Variants in KCNQ5 observed in about 807,000 individuals in gnomAD.
KCNQ5 encodes the protein potassium voltage-gated channel subfamily KQT member 5.
In KCNQ5, 30 loss-of-function variants were observed where a neutral mutation model predicts 98.2. The observed-to-expected ratio is 0.31, with a 90% CI of 0.23 to 0.41. The LOEUF (loss-of-function observed/expected upper bound fraction) is 0.41, where lower values mean the gene tolerates loss of function less well. KCNQ5 is among the 10% of genes least tolerant of loss of function. The pLI is 1.00. For missense variants in KCNQ5, 835 were observed against 1,182.5 expected (o/e 0.71, Z 4.31); for synonymous variants, 458 against 449.4 (o/e 1.02, Z -0.24).
rs545254868 is a variant in KCNQ5, at chr6:73,197,580, T to TACACACACACACACACAC, written c.*2211_*2228dup. 1 of 105,428 alleles carries TACACACACACACACACAC rather than the reference T, an allele frequency of 9.5e-6. No homozygotes were observed. The highest frequency in any genetic ancestry group is 2.0e-5 in the Non-Finnish European group (1 of 50,632). The allele number at this position is 105,428 out of a possible 1,614,324, so 6.5% of individuals were successfully genotyped here. ...GATTCCCCCTTGCAAGAATGTTGCATACACACACACACACACACACACACA... is the reference window on the plus strand; with the variant it reads ...GATTCCCCCTTGCAAGAATGTTGCATACACACACACACACACACACACACACACACACACACACACACA... On this transcript the variant is annotated 3_prime_UTR_variant, in exon 14 of 14. Transcript: ENST00000370398.
intron 1 of KCNQ5, among the ~76,000 whole-genome samples, chr6:72,951,444 ATT>A (rs112394660): frequency 8.1e-5 from 11 of 135,182 alleles, no homozygotes; most frequent in Non-Finnish European, 1.3e-4. Flanking sequence ...CACCCAGCAA[ATT>A]TTTTTTTTTT....
chr6:72,701,999 T>A (rs956216918), intron 1 of KCNQ5, among the ~76,000 whole-genome samples: 24 of 147,740 alleles, frequency 1.6e-4, no homozygotes, highest in African/African-American at 2.9e-4. Flanking sequence ...CAGCTAATAT[T>A]TTTTTTAATT....
At chr6:72,987,468 C>G (rs1436831088) in intron 1 of KCNQ5, 2 of 672,158 alleles carry the variant, frequency 3.0e-6, no homozygotes, top group Non-Finnish European at 5.7e-6. Context: ...GGAACAGAAA[C>G]TGAAGTTTCT....
intron 11 of KCNQ5, among the ~76,000 whole-genome samples, chr6:73,173,771 G>A (rs1328804342): frequency 6.7e-6 from 1 of 150,096 alleles, no homozygotes; most frequent in Non-Finnish European, 1.5e-5. Context: ...GCAACATGGT[G>A]AAACCCTGTC....
chr6:72,787,278 G>T lies in KCNQ5; in HGVS notation c.398+164691G>T, dbSNP rs866163177. Among the ~76,000 whole-genome samples, 6 of 152,094 alleles carry T rather than the reference G, an allele frequency of 3.9e-5. No homozygotes were observed. In the East Asian group the frequency reaches 1.2e-3, roughly 29 times the overall value. On this transcript the variant is annotated intron_variant, in intron 1 of 13. Transcript: ENST00000370398. ...ATTGTCTATAAATAAAGTTTTACTG[G>T]AACACAGCCATACTCATTCATTTAA... is the stretch of plus-strand genomic sequence containing the variant.
intron 2 of KCNQ5, among the ~76,000 whole-genome samples, chr6:73,036,057 GCAGAGA>G (rs1156925379): frequency 6.8e-6 from 1 of 146,766 alleles, no homozygotes; most frequent in East Asian, 2.1e-4. Flanking sequence ...TTTATCACTT[GCAGAGA>G]TTAGTATATC....
chr6:73,060,650 A>G (rs1476483239), intron 3 of KCNQ5, among the ~76,000 whole-genome samples: 1 of 152,204 alleles, frequency 6.6e-6, no homozygotes, highest in Non-Finnish European at 1.5e-5. Context: ...ACTAAAAAAT[A>G]GAAACTAATC....
At chr6:72,847,156 T>C (rs1332549312) in intron 1 of KCNQ5, among the ~76,000 whole-genome samples, 1 of 152,124 alleles carries the variant, frequency 6.6e-6, no homozygotes, top group Admixed American at 6.5e-5. Flanking sequence ...TGCACTCCAA[T>C]AAAGTTGTTG....
At chr6:72,722,080 G>A (rs573544167) in intron 1 of KCNQ5, among the ~76,000 whole-genome samples, 71 of 152,272 alleles carry the variant, frequency 4.7e-4, no homozygotes, top group Non-Finnish European at 8.2e-4. Context: ...AGACTGGAGT[G>A]ATACAAGGAA....
chr6:72,693,187 C>G (rs1227919140), intron 1 of KCNQ5, among the ~76,000 whole-genome samples: 1 of 151,752 alleles, frequency 6.6e-6, no homozygotes, highest in Non-Finnish European at 1.5e-5. Flanking sequence ...AGAAGACAAG[C>G]AGGAAGAAGG....
rs1213267656 is a variant in KCNQ5 at position 73,189,797 on chromosome 6, T to TG, written c.1578-772dup. Among the ~76,000 whole-genome samples the TG allele has an allele frequency of 2.6e-5, 4 of 152,138 alleles. No individual in the cohort carries two copies. The East Asian group carries it at 5.8e-4, about 22-fold the overall frequency. On this transcript the variant is annotated intron_variant, in intron 11 of 13. Transcript: ENST00000370398. ...GTTGATGAAATATCATTGTAAAAGA[T>TG]GGGGCCCATGTTGCAGGAGGCATTG...
chr6:72,660,378 G>C (rs1330438678), intron 1 of KCNQ5, among the ~76,000 whole-genome samples: 1 of 152,120 alleles, frequency 6.6e-6, no homozygotes, highest in African/African-American at 2.4e-5. Flanking sequence ...TAAGCTCAAC[G>C]TTCTCTCCTT....
rs1352817600 is a variant in KCNQ5, at chr6:73,194,843, C to T, written c.2228C>T (p.Ala743Val). ...CAAATAAATACGGCACCCAAGCCAGCAGCCCCAACAACTTTACAGATCCCA... is the reference window on the plus strand; with the variant it reads ...CAAATAAATACGGCACCCAAGCCAGTAGCCCCAACAACTTTACAGATCCCA... Reference protein sequence around the residue: ...ANQINTAPKPAAPTTLQIPPP... With the variant: ...ANQINTAPKPVAPTTLQIPPP... The change falls in exon 14 of 14, where the codon GCA becomes GTA. Residue 743 changes from alanine to valine, a missense_variant. Physicochemically the swap from Ala to Val is moderately conservative, Grantham distance 64. Coordinates refer to ENST00000370398, the MANE Select transcript of KCNQ5 (RefSeq NM_019842.4). 6.2e-7 allele frequency: 1 copy of T among 1,614,192 alleles called. No individual in the cohort carries two copies. The highest frequency in any genetic ancestry group is 1.3e-5 in the African/African-American group (1 of 75,060).
chr6:72,772,757 A>C (rs9351942), intron 1 of KCNQ5, among the ~76,000 whole-genome samples: 92,382 of 152,010 alleles, frequency 0.61, 28,175 homozygotes, highest in Admixed American at 0.65. Context: ...ACTTTTAAAA[A>C]ATGTCACTGA....
At chr6:73,151,756 T>C (rs1314639461) in intron 10 of KCNQ5, among the ~76,000 whole-genome samples, 1 of 152,250 alleles carries the variant, frequency 6.6e-6, no homozygotes, top group Non-Finnish European at 1.5e-5. Context: ...CCATTATCTT[T>C]TGAATTCCCT....
chr6:73,080,537 ATAAATT>A lies in KCNQ5; in HGVS notation c.918+2653_918+2658del, dbSNP rs142023975. On this transcript the variant is annotated intron_variant, in intron 5 of 13. Transcript: ENST00000370398. Reference sequence around the variant, plus strand: ...TACTAGATTCCTAGTGGGAAATAAAATAAATTTAGACTATTATACCTTTTATTTATA... The same window carrying A: ...TACTAGATTCCTAGTGGGAAATAAAATAGACTATTATACCTTTTATTTATA... Among the ~76,000 whole-genome samples, 1,356 of 152,310 alleles carry A rather than the reference ATAAATT, an allele frequency of 8.9e-3. 21 individuals carry two copies. Among genetic ancestry groups the A allele is most frequent in the African/African-American group, 0.031 (1,277 of 41,570 alleles).
At chr6:72,805,060 T>C (rs1252750720) in intron 1 of KCNQ5, among the ~76,000 whole-genome samples, 1 of 152,168 alleles carries the variant, frequency 6.6e-6, no homozygotes, top group Non-Finnish European at 1.5e-5. Context: ...ATATTCTGAT[T>C]ATTAATCCCT....
intron 1 of KCNQ5, among the ~76,000 whole-genome samples, chr6:72,866,406 C>T (rs925303168): frequency 2.0e-5 from 3 of 151,890 alleles, no homozygotes; most frequent in Non-Finnish European, 2.9e-5. Context: ...AGATGCACAC[C>T]ACCATGCCTG....
rs529506885 is a variant in KCNQ5 at position 72,822,844 on chromosome 6, G to A, written c.399-181064G>A. Among the ~76,000 whole-genome samples, 7 of 152,196 alleles carry A rather than the reference G, an allele frequency of 4.6e-5. No individual in the cohort carries two copies. In the South Asian group the frequency reaches 1.5e-3, roughly 32 times the overall value. On this transcript the variant is annotated intron_variant, in intron 1 of 13. Transcript: ENST00000370398. Reference sequence around the variant, plus strand: ...TGAATGCAGAGCTGTATTCCTCCTGGAAGCTATAGGAGAGAATGCATTTCC... The same window carrying A: ...TGAATGCAGAGCTGTATTCCTCCTGAAAGCTATAGGAGAGAATGCATTTCC...
Sources: gnomAD v4.1 joint callset for allele counts (sites outside exome capture counted in the v4.1 genomes callset) on GRCh38, gnomAD v4.1.1 for gene constraint, MANE v1.5 for transcripts, NCBI Gene and HGNC (gene_info 2026-07-23, HGNC 2026-07-21) for gene names.